The following HNRNPLL variants were observed in gnomAD, a reference collection of about 807,000 sequenced individuals.
HNRNPLL encodes the protein heterogeneous nuclear ribonucleoprotein L-like.
HNRNPLL carries 25 observed loss-of-function variants against 67.1 expected under a neutral mutation model. The ratio of observed to expected loss-of-function variants is 0.37; its 90% CI spans 0.27 to 0.52. The LOEUF (loss-of-function observed/expected upper bound fraction) is 0.52. Among genes scored for constraint, HNRNPLL ranks in the 20% least tolerant of loss-of-function variants. The pLI, the probability that HNRNPLL is intolerant of heterozygous loss-of-function variation, is 0.90. For synonymous variants in HNRNPLL, 267 were observed against 241.7 expected, an observed-to-expected ratio of 1.10 and a Z score of -0.97; for missense variants, 542 against 673.9, an observed-to-expected ratio of 0.80 and a Z score of 2.17.
chr2:38,572,853 T>C (rs946584618), intron 8 of HNRNPLL, among the ~76,000 whole-genome samples: 6 of 151,970 alleles, frequency 3.9e-5, no homozygotes, highest in African/African-American at 1.2e-4. Context: ...TTTTTATATA[T>C]ACCCTCCATG....
At chr2:38,593,610 C>A (rs560423146) in intron 1 of HNRNPLL, among the ~76,000 whole-genome samples, 1 of 152,122 alleles carries the variant, frequency 6.6e-6, no homozygotes, top group South Asian at 2.1e-4. Flanking sequence ...AAATGCTGGG[C>A]CAGACGTGGT....
intron 7 of HNRNPLL, 54 bp from the exon 8 acceptor site, chr2:38,573,481 G>A: frequency 1.7e-6 from 2 of 1,177,364 alleles, no homozygotes; most frequent in Middle Eastern, 1.9e-4. Flanking sequence ...ATAGTTGTTT[G>A]TAAATACTTT....
rs1343428415 is a variant in HNRNPLL at position 38,588,930 on chromosome 2, G to A, written c.308+2600C>T. Among the ~76,000 whole-genome samples, 3 of 152,154 alleles carry A rather than the reference G, an allele frequency of 2.0e-5. No homozygotes were observed. The East Asian group carries it at 5.8e-4, about 29-fold the overall frequency. ...AAGAAACAAAAAAGCTAAGGGACAT[G>A]GTAGGATCAATGCTTTTAACTCCAT... On this transcript the variant is annotated intron_variant, in intron 2 of 12. Transcript: ENST00000449105.
intron 2 of HNRNPLL, among the ~76,000 whole-genome samples, chr2:38,586,450 C>A (rs1392915087): frequency 1.3e-5 from 2 of 152,132 alleles, no homozygotes; most frequent in East Asian, 3.8e-4. Flanking sequence ...ACAAGACAAC[C>A]CAGTTTATTC....
At chr2:38,567,706 G>A (rs1665923690) in intron 12 of HNRNPLL, among the ~76,000 whole-genome samples, 1 of 152,144 alleles carries the variant, frequency 6.6e-6, no homozygotes, top group Non-Finnish European at 1.5e-5. Flanking sequence ...AACATTAAGT[G>A]ATGGTATGCC....
chr2:38,602,421 G>T lies in HNRNPLL; in HGVS notation c.189+17C>A, dbSNP rs768851888. 6.5e-5 allele frequency: 100 copies of T among 1,543,972 alleles called. No individual in the cohort carries two copies. The highest frequency in any genetic ancestry group is 8.2e-5 in the Non-Finnish European group (94 of 1,152,440). The stretch of plus-strand genomic sequence containing the variant: ...GAGCAGCCAGGCACAGCGGACAGGG[G>T]GGCCGCGCTTTGTTACCGGCTGAGA... On this transcript the variant is annotated intron_variant, in intron 1 of 12. Transcript: ENST00000449105.
rs544166983 is a variant in HNRNPLL at position 38,566,870 on chromosome 2, G to C, written c.1573+1329C>G. Among the ~76,000 whole-genome samples, 464 of 150,432 alleles carry C rather than the reference G, an allele frequency of 3.1e-3. 5 individuals are homozygous for C. In the South Asian group the frequency reaches 0.033, roughly 11 times the overall value. The stretch of plus-strand genomic sequence containing the variant: ...AAAAAAAATTTAAAAATAAAAAAGT[G>C]CAACTATAAGGATGTTTATTACAAT... On this transcript the variant is annotated intron_variant, in intron 12 of 12. Transcript: ENST00000449105.
chr2:38,582,114 A>G lies in HNRNPLL; in HGVS notation c.687T>C (p.Asp229=), dbSNP rs1666551948. The G allele has an allele frequency of 1.2e-6, 2 of 1,614,066 alleles. No individual in the cohort carries two copies. Among genetic ancestry groups the G allele is most frequent in the Non-Finnish European group, 1.7e-6 (2 of 1,179,912 alleles). Residue 229 remains aspartate (D), a synonymous_variant, in exon 5 of 13, where the codon GAT becomes GAC. Transcript: ENST00000449105. ...TTAGTGTGCAACATCCAGCATATAT[A>G]TCAGCTCCATTGAGTGCTGCTTTAG... is the stretch of plus-strand genomic sequence containing the variant. ...QKAKAALNGA[D]IYAGCCTLKI...
At position 38,585,608 on chromosome 2, in the gene HNRNPLL, C is replaced by T. The variant is rs182611583; in HGVS notation, c.546+36G>A. ...TCACTCTGGAGGCAAACTGCAAAAT[C>T]ACTTTTAATTTCATTTGTCATATTA... On this transcript the variant is annotated intron_variant, in intron 3 of 12. Coordinates refer to ENST00000449105, the MANE Select transcript of HNRNPLL (RefSeq NM_138394.4). 23 of 1,353,756 alleles carry T rather than the reference C, an allele frequency of 1.7e-5. No individual in the cohort carries two copies. The East Asian group carries it at 4.6e-4, about 27-fold the overall frequency. The allele number at this position is 1,353,756 out of a possible 1,614,324, so 83.9% of individuals were successfully genotyped here.
chr2:38,576,946 A>G (rs1666321856), intron 7 of HNRNPLL, among the ~76,000 whole-genome samples: 1 of 151,970 alleles, frequency 6.6e-6, no homozygotes. Context: ...CAACATAGCA[A>G]AAAGTAAAAG....
At chr2:38,584,577 T>A (rs1666652011) in intron 3 of HNRNPLL, among the ~76,000 whole-genome samples, 2 of 152,334 alleles carry the variant, frequency 1.3e-5, no homozygotes, top group South Asian at 4.1e-4. Context: ...TTTTTCCAAA[T>A]GTGACACTGA....
In HNRNPLL at chr2:38,577,469, T is replaced by C; in HGVS notation, c.866A>G (p.Asp289Gly). 6.3e-7 allele frequency: 1 copy of C among 1,599,676 alleles called. No homozygotes were observed. Among genetic ancestry groups the C allele is most frequent in the Non-Finnish European group, 8.6e-7 (1 of 1,167,168 alleles). The change falls in exon 7 of 13, where the codon GAT (aspartate) becomes GGT (glycine). Residue 289 changes from aspartate (D) to glycine (G), a missense_variant. Asp to Gly is a moderately conservative substitution (Grantham distance 94). Transcript: ENST00000449105. ...LGEHPSSFRH[D>G]GYGSHGPLLP... is the part of the protein sequence containing the mutation. The stretch of plus-strand genomic sequence containing the variant: ...CTACCTTGACAACTTACCATAGCCA[T>C]CATGTCTAAACGAAGAAGGGTGTTC...
intron 7 of HNRNPLL, among the ~76,000 whole-genome samples, chr2:38,575,500 T>C (rs1666266564): frequency 6.6e-6 from 1 of 151,870 alleles, no homozygotes; most frequent in African/African-American, 2.4e-5. Context: ...ATTTCTGCCA[T>C]GGTTCAACTA....
In HNRNPLL at chr2:38,570,161, T is replaced by C. The variant is rs78394037; in HGVS notation, c.1093-236A>G. Reference sequence around the variant, plus strand: ...GCACAGGCTCACCCTAACTCTGTTATGTATTAATTGTGTGATTTGAGGGCA... The same window carrying C: ...GCACAGGCTCACCCTAACTCTGTTACGTATTAATTGTGTGATTTGAGGGCA... On this transcript the variant is annotated intron_variant, in intron 8 of 12. Transcript: ENST00000449105. Among the ~76,000 whole-genome samples, 69 of 152,346 alleles carry C rather than the reference T, an allele frequency of 4.5e-4. 4 individuals carry two copies. The East Asian group carries it at 0.013, about 29-fold the overall frequency.
chr2:38,593,429 A>C (rs1199311466), intron 1 of HNRNPLL, among the ~76,000 whole-genome samples: 1 of 152,252 alleles, frequency 6.6e-6, no homozygotes, highest in Non-Finnish European at 1.5e-5. Context: ...AGAAAATAAT[A>C]AACTGCAAGA....
chr2:38,589,617 A>T (rs1028296814), intron 2 of HNRNPLL, among the ~76,000 whole-genome samples: 2 of 152,224 alleles, frequency 1.3e-5, no homozygotes, highest in African/African-American at 4.8e-5. Flanking sequence ...ACATTCACAT[A>T]CGGTAGACTT....
rs998558487 is a variant in HNRNPLL at position 38,601,256 on chromosome 2, C to A, written c.189+1182G>T. ...AAATGTGTTGCAAAGTTTGCTCTCA[C>A]ATCCTGGTAACTGGAAACTGCAACG... On this transcript the variant is annotated intron_variant, in intron 1 of 12. Coordinates refer to ENST00000449105, the MANE Select transcript of HNRNPLL (RefSeq NM_138394.4). Among the ~76,000 whole-genome samples, 10 of 152,308 alleles carry A rather than the reference C, an allele frequency of 6.6e-5. No individual in the cohort carries two copies. The Middle Eastern group carries it at 0.01, about 155-fold the overall frequency.
chr2:38,567,601 G>A (rs1665919724), intron 12 of HNRNPLL, among the ~76,000 whole-genome samples: 1 of 152,146 alleles, frequency 6.6e-6, no homozygotes. Flanking sequence ...GGAAGCTATA[G>A]CTTGAAGGTG....
intron 7 of HNRNPLL, among the ~76,000 whole-genome samples, chr2:38,576,017 T>C (rs1666288402): frequency 6.6e-6 from 1 of 151,726 alleles, no homozygotes; most frequent in Non-Finnish European, 1.5e-5. Flanking sequence ...ACCACAACTA[T>C]CAAAGAATTT....
Sources: allele counts gnomAD v4.1 joint callset (sites outside exome capture counted in the v4.1 genomes callset), GRCh38; gene constraint gnomAD v4.1.1; transcripts MANE v1.5; gene names NCBI Gene and HGNC (gene_info 2026-07-23, HGNC 2026-07-21).